KIAA1958: variants seen among roughly 807,000 people sequenced by gnomAD.
KIAA1958 encodes the protein uncharacterized protein KIAA1958.
Under a neutral mutation model 47.2 loss-of-function variants are expected in KIAA1958, and 14 were observed. The ratio of observed to expected loss-of-function variants is 0.30; its 90% CI spans 0.20 to 0.46. The LOEUF is 0.46. KIAA1958 is among the 20% of genes least tolerant of loss of function. KIAA1958 has a pLI of 1.00. For missense variants in KIAA1958, 803 were observed against 909.2 expected (o/e 0.88, Z 1.50); for synonymous variants, 354 against 353.3 (o/e 1.00, Z -0.02).
chr9:112,636,113 T>C (rs1332137761), intron 2 of KIAA1958, among the ~76,000 whole-genome samples: 1 of 148,348 alleles, frequency 6.7e-6, no homozygotes, highest in Non-Finnish European at 1.5e-5. Context: ...ATTTTATATA[T>C]ATATATACTA....
intron 1 of KIAA1958, among the ~76,000 whole-genome samples, chr9:112,526,794 T>TA (rs1834665417): frequency 6.6e-6 from 1 of 152,214 alleles, no homozygotes; most frequent in South Asian, 2.1e-4. Context: ...TTAATACTGT[T>TA]ACACTAGCAA....
intron 1 of KIAA1958, among the ~76,000 whole-genome samples, chr9:112,511,664 A>G (rs1008201889): frequency 6.6e-6 from 1 of 152,230 alleles, no homozygotes; most frequent in African/African-American, 2.4e-5. Flanking sequence ...GACACCAAAG[A>G]AAGTAGAAGA....
intron 1 of KIAA1958, among the ~76,000 whole-genome samples, chr9:112,521,442 G>C (rs566061553): frequency 6.6e-6 from 1 of 152,240 alleles, no homozygotes; most frequent in East Asian, 1.9e-4. Flanking sequence ...TCAAACTCCT[G>C]AATTCAAGTG....
intron 2 of KIAA1958, among the ~76,000 whole-genome samples, chr9:112,626,970 T>C (rs754226888): frequency 2.0e-5 from 3 of 152,360 alleles, no homozygotes; most frequent in Middle Eastern, 3.4e-3. Context: ...CCACTGCTGC[T>C]ATCACTTATT....
At chr9:112,507,012 T>A (rs959514722) in intron 1 of KIAA1958, among the ~76,000 whole-genome samples, 1 of 152,228 alleles carries the variant, frequency 6.6e-6, no homozygotes, top group African/African-American at 2.4e-5. Context: ...GCCATTACAT[T>A]AGACCTCTGA....
intron 2 of KIAA1958, among the ~76,000 whole-genome samples, chr9:112,578,120 A>T (rs1040144323): frequency 2.0e-5 from 3 of 152,174 alleles, no homozygotes. Context: ...CAGCAGTGGG[A>T]CAAATAAAAA....
chr9:112,546,047 A>G (rs1334344221), intron 1 of KIAA1958, among the ~76,000 whole-genome samples: 1 of 151,992 alleles, frequency 6.6e-6, no homozygotes, highest in Non-Finnish European at 1.5e-5. Flanking sequence ...AATTTGTGTA[A>G]TATTGATGAC....
Position 112,526,010 on chromosome 9 carries a change from T to C in KIAA1958, c.-25+38892T>C, listed in dbSNP as rs1480472543. Among the ~76,000 whole-genome samples, 2 of 526 alleles carry C rather than the reference T, an allele frequency of 3.8e-3. 1 individual carries two copies. The highest frequency in any genetic ancestry group is 8.4e-3 in the Non-Finnish European group (2 of 238). The allele number at this position is 526 out of a possible 152,430, so 0.3% of individuals were successfully genotyped here. A position where few individuals can be genotyped will look rare whatever the true frequency, so the allele number is the denominator to read the frequency against. On this transcript the variant is annotated intron_variant, in intron 1 of 3. Coordinates refer to ENST00000337530, the MANE Select transcript of KIAA1958 (RefSeq NM_133465.4). ...TTCTTCTTCTTCTTCTTTTTTTTTT[T>C]AAAGAGATGGGGTCTCACTTTCTTG...
At chr9:112,612,168 G>A (rs1836338274) in intron 2 of KIAA1958, among the ~76,000 whole-genome samples, 1 of 152,094 alleles carries the variant, frequency 6.6e-6, no homozygotes, top group Non-Finnish European at 1.5e-5. Flanking sequence ...AATGCTTTGG[G>A]AAGCTGAGGT....
chr9:112,537,861 A>G (rs1368531719), intron 1 of KIAA1958, among the ~76,000 whole-genome samples: 1 of 152,252 alleles, frequency 6.6e-6, no homozygotes. Context: ...GGAGAAATTT[A>G]GGAAAATTTT....
At chr9:112,516,097 G>A (rs1010010471) in intron 1 of KIAA1958, among the ~76,000 whole-genome samples, 1 of 152,096 alleles carries the variant, frequency 6.6e-6, no homozygotes. Flanking sequence ...AGCAAATCTT[G>A]TGGGATCTGC....
At chr9:112,526,890 A>G (rs1194376015) in intron 1 of KIAA1958, among the ~76,000 whole-genome samples, 1 of 152,226 alleles carries the variant, frequency 6.6e-6, no homozygotes, top group Non-Finnish European at 1.5e-5. Flanking sequence ...TAGGGTTTTA[A>G]GAAAGAAATC....
chr9:112,560,717 G>A (rs1835312819), intron 1 of KIAA1958, among the ~76,000 whole-genome samples: 1 of 152,170 alleles, frequency 6.6e-6, no homozygotes, highest in African/African-American at 2.4e-5. Context: ...GTGAAGTATG[G>A]TAGAAGTGGT....
At chr9:112,651,282 A>T (rs1413578828) in intron 3 of KIAA1958, among the ~76,000 whole-genome samples, 3 of 152,002 alleles carry the variant, frequency 2.0e-5, no homozygotes, top group Admixed American at 2.0e-4. Context: ...AACAAATCTC[A>T]ATTAATTTAA....
At chr9:112,601,454 G>A (rs1388674967) in intron 2 of KIAA1958, among the ~76,000 whole-genome samples, 1 of 152,128 alleles carries the variant, frequency 6.6e-6, no homozygotes, top group African/African-American at 2.4e-5. Flanking sequence ...TCGGCACTGT[G>A]TCTCAAAGTG....
chr9:112,530,054 A>G (rs2132809914), intron 1 of KIAA1958, among the ~76,000 whole-genome samples: 1 of 152,244 alleles, frequency 6.6e-6, no homozygotes, highest in East Asian at 1.9e-4. Context: ...CGTGTTAGCC[A>G]GGATGGTCTC....
chr9:112,516,523 G>T (rs1476395768), intron 1 of KIAA1958, among the ~76,000 whole-genome samples: 8 of 152,202 alleles, frequency 5.3e-5, no homozygotes, highest in African/African-American at 1.9e-4. Flanking sequence ...AAGATTGATA[G>T]TTTTCCTCAA....
At chr9:112,558,196 G>T (rs959715220) in intron 1 of KIAA1958, among the ~76,000 whole-genome samples, 1 of 151,874 alleles carries the variant, frequency 6.6e-6, no homozygotes. Context: ...CTGCACTCCA[G>T]CCTGGAGACA....
In KIAA1958 at chr9:112,543,094, A is replaced by T. The variant is rs535338084; in HGVS notation, c.-24-30963A>T. 9.8e-5 allele frequency among the ~76,000 whole-genome samples: 15 copies of T among 152,356 alleles called. No homozygotes were observed. In the South Asian group the frequency reaches 3.1e-3, roughly 32 times the overall value. On this transcript the variant is annotated intron_variant, in intron 1 of 3. Transcript: ENST00000337530. The stretch of plus-strand genomic sequence containing the variant: ...AGACAGTTTGCTACTCACAGATCTC[A>T]TAAATCAAGCATTCTTCATGACCTG...
Sources: gnomAD v4.1 joint callset for allele counts (sites outside exome capture counted in the v4.1 genomes callset) on GRCh38, gnomAD v4.1.1 for gene constraint, MANE v1.5 for transcripts, NCBI Gene and HGNC (gene_info 2026-07-23, HGNC 2026-07-21) for gene names.